TRPC5: variants seen among roughly 807,000 people sequenced by gnomAD.
TRPC5 encodes the protein transient receptor potential cation channel subfamily C member 5, also known as short transient receptor potential channel 5.
Under a neutral mutation model 56.5 loss-of-function variants are expected in TRPC5, and 9 were observed. The observed-to-expected ratio is 0.16, with a 90% confidence interval of 0.10 to 0.28. The LOEUF (loss-of-function observed/expected upper bound fraction) is 0.28, where lower values mean the gene tolerates loss of function less well. Among genes scored for constraint, TRPC5 ranks in the 10% least tolerant of loss-of-function variants. The pLI, the probability that TRPC5 is intolerant of heterozygous loss-of-function variation, is 1.00. For missense variants in TRPC5, 469 were observed against 748.9 expected, an observed-to-expected ratio of 0.63 and a Z score of 4.36; for synonymous variants, 282 against 278.5, an observed-to-expected ratio of 1.01 and a Z score of -0.13.
chrX:112,069,590 T>G (rs992075465), intron 1 of TRPC5, among the ~76,000 whole-genome samples: 2 of 112,371 alleles, frequency 1.8e-5, no homozygotes, highest in African/African-American at 3.2e-5. Flanking sequence ...GGGGGCCCAG[T>G]GGGCACCTTT....
chrX:111,980,928 C>T (rs898333125), intron 1 of TRPC5, among the ~76,000 whole-genome samples: 1 of 103,714 alleles, frequency 9.6e-6, no homozygotes, highest in African/African-American at 3.6e-5. Flanking sequence ...TATATATACA[C>T]ACACACACAC....
At chrX:111,793,232 T>A (rs188792917) in intron 7 of TRPC5, among the ~76,000 whole-genome samples, 1 of 111,426 alleles carries the variant, frequency 9.0e-6, no homozygotes, top group African/African-American at 3.3e-5. Context: ...AAGGAGCCTC[T>A]CCCAGAACTC....
At chrX:112,069,759 T>C (rs1173055322) in intron 1 of TRPC5, among the ~76,000 whole-genome samples, 1 of 111,870 alleles carries the variant, frequency 8.9e-6, no homozygotes, top group Non-Finnish European at 1.9e-5. Context: ...CCTGTAACTT[T>C]ACCCCTGGAG....
intron 7 of TRPC5, among the ~76,000 whole-genome samples, chrX:111,787,260 A>C (rs745530758): frequency 8.9e-6 from 1 of 111,941 alleles, no homozygotes; most frequent in East Asian, 2.8e-4. Flanking sequence ...AATCACTCAA[A>C]ACTGCACAAC....
intron 1 of TRPC5, among the ~76,000 whole-genome samples, chrX:112,051,713 T>G (rs1930217006): frequency 8.9e-6 from 1 of 112,351 alleles, no homozygotes; most frequent in Non-Finnish European, 1.9e-5. Flanking sequence ...CACATGGTTG[T>G]GCAATCAGTC....
intron 3 of TRPC5, among the ~76,000 whole-genome samples, chrX:111,893,788 C>A (rs1011615202): frequency 8.9e-6 from 1 of 111,989 alleles, no homozygotes; most frequent in Non-Finnish European, 1.9e-5. Context: ...GATCCTATAA[C>A]AGGCAAATGC....
chrX:112,038,541 C>T (rs1216966729), intron 1 of TRPC5, among the ~76,000 whole-genome samples: 1 of 112,421 alleles, frequency 8.9e-6, no homozygotes, highest in African/African-American at 3.2e-5. Flanking sequence ...TTTGTTTTAA[C>T]ATCCACTGAC....
At chrX:111,853,594 A>G (rs1289408970) in intron 4 of TRPC5, among the ~76,000 whole-genome samples, 176 bp downstream of exon 4, 1 of 111,751 alleles carries the variant, frequency 8.9e-6, no homozygotes, top group Non-Finnish European at 1.9e-5. Context: ...ACCATGGACC[A>G]GTGCCCGGGA....
At position 111,775,675 on chromosome X, in the gene TRPC5, A is replaced by G. The variant is rs1945871771; in HGVS notation, c.*638T>C. ...CACATTAGGAAACTAACACATCTTT[A>G]AGAAACAAGAAAACTCAATAGCCCC... On this transcript the variant is annotated 3_prime_UTR_variant, in exon 11 of 11. Coordinates refer to ENST00000262839, the MANE Select transcript of TRPC5 (RefSeq NM_012471.3). The G allele has an allele frequency of 8.9e-6, 1 of 112,398 alleles. No individual in the cohort carries two copies. Among genetic ancestry groups the G allele is most frequent in the Admixed American group, 9.5e-5 (1 of 10,508 alleles). The allele number at this position is 112,398 out of a possible 1,213,427, so 9.3% of individuals were successfully genotyped here. A position where few individuals can be genotyped will look rare whatever the true frequency, so the allele number is the denominator to read the frequency against.
intron 1 of TRPC5, among the ~76,000 whole-genome samples, chrX:112,035,210 C>T (rs185779794): frequency 1.6e-4 from 18 of 109,734 alleles, no homozygotes; most frequent in Admixed American, 3.9e-4. Flanking sequence ...TCTCTGTATG[C>T]TTCATGAATT....
chrX:112,067,834 G>A (rs1930622918), intron 1 of TRPC5, among the ~76,000 whole-genome samples: 1 of 112,227 alleles, frequency 8.9e-6, no homozygotes, highest in Admixed American at 9.4e-5. Flanking sequence ...ATCTCTCCTG[G>A]CCATTTAGCT....
At chrX:112,055,909 T>C (rs1930330294) in intron 1 of TRPC5, among the ~76,000 whole-genome samples, 1 of 110,115 alleles carries the variant, frequency 9.1e-6, no homozygotes, top group African/African-American at 3.3e-5. Flanking sequence ...GTACCACACA[T>C]TGAAAGGGCT....
rs1374501018 is a variant in TRPC5, at chrX:111,871,800, C to G, written c.901-17694G>C. 3.6e-5 allele frequency among the ~76,000 whole-genome samples: 4 copies of G among 111,756 alleles called. No individual in the cohort carries two copies. In the Admixed American group the frequency reaches 3.8e-4, roughly 11 times the overall value. On this transcript the variant is annotated intron_variant, in intron 3 of 10. Transcript: ENST00000262839. Reference sequence around the variant, plus strand: ...TTTGGGCATGGTTTGTTTGTCCCCACTAAAACTAATTTTGAATTTGATCCC... The same window carrying G: ...TTTGGGCATGGTTTGTTTGTCCCCAGTAAAACTAATTTTGAATTTGATCCC...
At chrX:111,931,576 G>A (rs183668596) in intron 2 of TRPC5, among the ~76,000 whole-genome samples, 52 of 112,400 alleles carry the variant, frequency 4.6e-4, no homozygotes, top group African/African-American at 1.3e-3. Context: ...GGCACATTGC[G>A]AAGAAGAGAG....
chrX:111,862,052 T>C (rs1382320576), intron 3 of TRPC5, among the ~76,000 whole-genome samples: 1 of 112,275 alleles, frequency 8.9e-6, no homozygotes, highest in Non-Finnish European at 1.9e-5. Flanking sequence ...GTATTCTTAC[T>C]TAGCTTGAAT....
chrX:111,790,196 T>A (rs1397198464), intron 7 of TRPC5, among the ~76,000 whole-genome samples: 6 of 111,904 alleles, frequency 5.4e-5, no homozygotes, highest in Non-Finnish European at 1.1e-4. Context: ...AAAGAAAATG[T>A]GGCACATATA....
At chrX:111,862,607 G>A (rs759473095) in intron 3 of TRPC5, among the ~76,000 whole-genome samples, 5 of 111,772 alleles carry the variant, frequency 4.5e-5, no homozygotes, top group South Asian at 3.7e-4. Context: ...TATTTAATCC[G>A]TTTGCATATT....
intron 2 of TRPC5, among the ~76,000 whole-genome samples, chrX:111,926,325 T>C (rs1926257355): frequency 8.9e-6 from 1 of 111,950 alleles, no homozygotes; most frequent in South Asian, 3.8e-4. Context: ...TGGTGGGATG[T>C]TGAGTTTGAA....
In TRPC5 at chrX:111,768,982, A is replaced by G. The variant is rs890676757; in HGVS notation, c.*7331T>C. ...GGTGTGGCCACAACATGATGAGGCT[A>G]TACTTTAAATACCATGACTAGATCT... On this transcript the variant is annotated 3_prime_UTR_variant, in exon 11 of 11. Coordinates refer to ENST00000262839, the MANE Select transcript of TRPC5 (RefSeq NM_012471.3). Among the ~76,000 whole-genome samples the G allele has an allele frequency of 8.9e-6, 1 of 112,281 alleles. No homozygotes were observed. Among genetic ancestry groups the G allele is most frequent in the Non-Finnish European group, 1.9e-5 (1 of 53,231 alleles).
Sources: gnomAD v4.1 joint callset for allele counts (sites outside exome capture counted in the v4.1 genomes callset) on GRCh38, gnomAD v4.1.1 for gene constraint, MANE v1.5 for transcripts, NCBI Gene and HGNC (gene_info 2026-07-23, HGNC 2026-07-21) for gene names.